Variants in ENOX2 observed in about 807,000 individuals in gnomAD.
ENOX2 encodes APK1 antigen.
A neutral mutation model predicts 45.0 loss-of-function variants in ENOX2; 36 were observed. That is an observed-to-expected ratio of 0.80 (90% CI 0.61 to 1.06). ENOX2 has a LOEUF of 1.06. Ranked by LOEUF, ENOX2 falls within the 50% of genes least tolerant of loss-of-function variation. The pLI, the probability that ENOX2 is intolerant of heterozygous loss-of-function variation, is 0.00. For synonymous variants in ENOX2, 174 were observed against 152.3 expected (o/e 1.14, Z -1.05); for missense variants, 423 against 462.5 (o/e 0.91, Z 0.78).
At chrX:130,898,165 G>A (rs1457843388) in intron 2 of ENOX2, among the ~76,000 whole-genome samples, 3 of 110,406 alleles carry the variant, frequency 2.7e-5, no homozygotes, top group Non-Finnish European at 5.7e-5. Flanking sequence ...ATGCCATCAC[G>A]CCCGGCTAAT....
At chrX:130,729,753 C>T (rs779471445) in intron 3 of ENOX2, among the ~76,000 whole-genome samples, 1 of 112,615 alleles carries the variant, frequency 8.9e-6, no homozygotes, top group South Asian at 3.7e-4. Context: ...AGATGGCCTG[C>T]TCAATCACTA....
At chrX:130,877,404 ACT>A (rs2078725972) in intron 2 of ENOX2, among the ~76,000 whole-genome samples, 1 of 111,469 alleles carries the variant, frequency 9.0e-6, no homozygotes, top group African/African-American at 3.3e-5. Flanking sequence ...ATCATTCCGT[ACT>A]CTTTTATCTC....
chrX:130,701,192 A>T (rs1207453308), intron 4 of ENOX2, among the ~76,000 whole-genome samples: 1 of 111,328 alleles, frequency 9.0e-6, no homozygotes, highest in Non-Finnish European at 1.9e-5. Flanking sequence ...AACACAGCGC[A>T]GATGTGGCCT....
chrX:130,709,773 T>C, intron 3 of ENOX2, among the ~76,000 whole-genome samples: 1 of 109,168 alleles, frequency 9.2e-6, no homozygotes, highest in East Asian at 2.9e-4. Flanking sequence ...GAATAATAGT[T>C]TTTTTTTTAA....
chrX:130,869,950 A>G (rs2078546178), intron 2 of ENOX2, among the ~76,000 whole-genome samples: 1 of 112,208 alleles, frequency 8.9e-6, no homozygotes, highest in Non-Finnish European at 1.9e-5. Flanking sequence ...TGTAAGCAAT[A>G]TGCTGTATCA....
intron 2 of ENOX2, among the ~76,000 whole-genome samples, chrX:130,852,567 T>C (rs1408624501): frequency 8.9e-6 from 1 of 111,959 alleles, no homozygotes; most frequent in African/African-American, 3.2e-5. Flanking sequence ...AATTTGAGCA[T>C]GGCTTTAAAT....
chrX:130,766,837 C>A (rs1364347950), intron 3 of ENOX2, among the ~76,000 whole-genome samples: 1 of 111,766 alleles, frequency 8.9e-6, no homozygotes, highest in Non-Finnish European at 1.9e-5. Context: ...GACATTATTT[C>A]ATGTAATCTG....
intron 3 of ENOX2, among the ~76,000 whole-genome samples, chrX:130,721,055 C>T (rs186767227): frequency 9.0e-4 from 100 of 111,676 alleles, no homozygotes; most frequent in Non-Finnish European, 1.4e-3. Context: ...TGAGGTAAAT[C>T]AGAAGGACAG....
At chrX:130,877,808 G>A (rs375130018) in intron 2 of ENOX2, among the ~76,000 whole-genome samples, 3 of 112,072 alleles carry the variant, frequency 2.7e-5, no homozygotes, top group Admixed American at 9.5e-5. Context: ...CCTGGGAGGG[G>A]CAGCTTATCA....
chrX:130,759,234 A>C (rs1257830115), intron 3 of ENOX2, among the ~76,000 whole-genome samples: 1 of 111,205 alleles, frequency 9.0e-6, no homozygotes, highest in Non-Finnish European at 1.9e-5. Context: ...TTACAGGAGT[A>C]AGGTTTAGAT....
At chrX:130,887,821 A>G (rs1416146828) in intron 2 of ENOX2, among the ~76,000 whole-genome samples, 1 of 111,964 alleles carries the variant, frequency 8.9e-6, no homozygotes, top group Non-Finnish European at 1.9e-5. Context: ...ACAGCTCCAA[A>G]CAAAATAATG....
intron 3 of ENOX2, among the ~76,000 whole-genome samples, chrX:130,782,620 T>A (rs753701235): frequency 1.8e-5 from 2 of 112,064 alleles, no homozygotes; most frequent in African/African-American, 6.5e-5. Context: ...TTTGTAAACA[T>A]GTTCCATTTC....
intron 14 of ENOX2, among the ~76,000 whole-genome samples, chrX:130,626,752 G>T (rs2035555832): frequency 8.9e-6 from 1 of 111,791 alleles, no homozygotes; most frequent in African/African-American, 3.3e-5. Context: ...TATCACCACA[G>T]CTGGGATGTG....
intron 3 of ENOX2, among the ~76,000 whole-genome samples, chrX:130,772,005 G>A (rs1033945561): frequency 8.9e-6 from 1 of 112,281 alleles, no homozygotes; most frequent in Non-Finnish European, 1.9e-5. Context: ...GGAAGGCAGA[G>A]TAAAGTTCCT....
At chrX:130,631,153 A>G (rs945051448) in intron 13 of ENOX2, among the ~76,000 whole-genome samples, 1 of 110,948 alleles carries the variant, frequency 9.0e-6, no homozygotes, top group African/African-American at 3.3e-5. Flanking sequence ...GAGAGGGCTT[A>G]TCTATCCTTG....
intron 2 of ENOX2, among the ~76,000 whole-genome samples, chrX:130,829,550 T>C (rs2077781707): frequency 9.0e-6 from 1 of 111,515 alleles, no homozygotes; most frequent in Non-Finnish European, 1.9e-5. Flanking sequence ...CCTGTAAGCA[T>C]AAGGAATTCC....
intron 5 of ENOX2, among the ~76,000 whole-genome samples, chrX:130,681,546 A>G (rs1159859883): frequency 2.7e-5 from 3 of 111,847 alleles, no homozygotes; most frequent in Non-Finnish European, 5.6e-5. Flanking sequence ...CATTAGAGAG[A>G]AGGAACATGA....
At chrX:130,732,241 C>T (rs754090866) in intron 3 of ENOX2, among the ~76,000 whole-genome samples, 31 of 111,568 alleles carry the variant, frequency 2.8e-4, no homozygotes, top group Non-Finnish European at 5.7e-4. Flanking sequence ...GAAAACAATT[C>T]CTATTAATAA....
intron 2 of ENOX2, among the ~76,000 whole-genome samples, chrX:130,867,460 T>A (rs899976229): frequency 8.9e-6 from 1 of 111,989 alleles, no homozygotes; most frequent in Admixed American, 9.5e-5. Context: ...GTCAGTCTTG[T>A]ACTTTAAATG....
Sources: allele counts gnomAD v4.1 joint callset (sites outside exome capture counted in the v4.1 genomes callset), GRCh38; gene constraint gnomAD v4.1.1; transcripts MANE v1.5; gene names NCBI Gene and HGNC (gene_info 2026-07-23, HGNC 2026-07-21).